The following QTMAN variants were observed in gnomAD, a reference collection of about 807,000 sequenced individuals.
QTMAN encodes the protein tRNA-queuosine alpha-mannosyltransferase.
the QTMAN span, among the ~76,000 whole-genome samples, chr2:144,174,735 C>T: frequency 1.3e-5 from 2 of 152,196 alleles, no homozygotes; most frequent in East Asian, 3.9e-4. Context: ...CCCTAACACA[C>T]ACTCTCTTGC....
At chr2:143,997,403 T>C in the QTMAN span, among the ~76,000 whole-genome samples, 1 of 152,152 alleles carries the variant, frequency 6.6e-6, no homozygotes, top group South Asian at 2.1e-4. Context: ...TGGAATCACT[T>C]TTCCAAAGTT....
the QTMAN span, chr2:144,145,768 G>C: frequency 6.3e-7 from 1 of 1,584,536 alleles, no homozygotes. Flanking sequence ...GGGGTTTACT[G>C]TCCCAAGTAT....
chr2:143,978,522 CTTGCCAATGAA>C, the QTMAN span, among the ~76,000 whole-genome samples: 1 of 152,170 alleles, frequency 6.6e-6, no homozygotes, highest in Non-Finnish European at 1.5e-5. Flanking sequence ...AGCTGTCTAA[CTTGCCAATGAA>C]TTCCCTTTCT....
chr2:144,063,302 G>C, the QTMAN span, among the ~76,000 whole-genome samples: 1 of 152,112 alleles, frequency 6.6e-6, no homozygotes, highest in African/African-American at 2.4e-5. Flanking sequence ...CGATTGATCT[G>C]AGTCAATTGA....
chr2:144,251,005 TAA>T, the QTMAN span, among the ~76,000 whole-genome samples: 32 of 152,094 alleles, frequency 2.1e-4, no homozygotes, highest in African/African-American at 7.5e-4. Context: ...TAAAATTTTA[TAA>T]GTTAAAACAT....
chr2:144,029,922 G>T, the QTMAN span, among the ~76,000 whole-genome samples: 10 of 152,242 alleles, frequency 6.6e-5, no homozygotes, highest in South Asian at 2.1e-3. Flanking sequence ...GTGTGAGTGT[G>T]TGTGTACCCA....
At chr2:143,957,225 G>A in the QTMAN span, 1 of 1,600,574 alleles carries the variant, frequency 6.2e-7, no homozygotes, top group South Asian at 1.1e-5. Context: ...ATGCTTAGCT[G>A]TTGAGATGAC....
the QTMAN span, among the ~76,000 whole-genome samples, chr2:143,998,039 G>A: frequency 6.6e-6 from 1 of 151,982 alleles, no homozygotes; most frequent in Non-Finnish European, 1.5e-5. Flanking sequence ...AAGGCAACAG[G>A]AAGATCAGCT....
chr2:144,027,127 T>TC, the QTMAN span, among the ~76,000 whole-genome samples: 1 of 152,212 alleles, frequency 6.6e-6, no homozygotes, highest in Non-Finnish European at 1.5e-5. Flanking sequence ...AAGATGGTTC[T>TC]CCTCCAATGG....
the QTMAN span, among the ~76,000 whole-genome samples, chr2:143,959,409 T>C: frequency 6.6e-6 from 1 of 152,118 alleles, no homozygotes. Context: ...CTGATTTTAG[T>C]TTATTGCTAA....
At chr2:144,200,581 G>A in the QTMAN span, among the ~76,000 whole-genome samples, 2 of 152,174 alleles carry the variant, frequency 1.3e-5, no homozygotes, top group African/African-American at 2.4e-5. Flanking sequence ...TTTGTGTTGG[G>A]CCGCATTCAA....
At chr2:144,101,916 T>C in the QTMAN span, among the ~76,000 whole-genome samples, 1 of 152,336 alleles carries the variant, frequency 6.6e-6, no homozygotes, top group African/African-American at 2.4e-5. Flanking sequence ...TTTTTGTTTA[T>C]GGCACCCCAC....
chr2:144,123,155 A>T, the QTMAN span, among the ~76,000 whole-genome samples: 2 of 152,188 alleles, frequency 1.3e-5, no homozygotes, highest in African/African-American at 4.8e-5. Context: ...AATTTGATAC[A>T]CTATCATTAT....
chr2:144,059,150 T>C, the QTMAN span, among the ~76,000 whole-genome samples: 1 of 152,164 alleles, frequency 6.6e-6, no homozygotes, highest in African/African-American at 2.4e-5. Flanking sequence ...TCCAAACATA[T>C]ATCATAGCTT....
chr2:144,200,801 G>A, the QTMAN span, among the ~76,000 whole-genome samples: 1 of 152,130 alleles, frequency 6.6e-6, no homozygotes, highest in Admixed American at 6.6e-5. Flanking sequence ...GAATTCTTTG[G>A]TTTAATCCAG....
At chr2:144,238,977 G>T in the QTMAN span, among the ~76,000 whole-genome samples, 3 of 151,868 alleles carry the variant, frequency 2.0e-5, no homozygotes, top group South Asian at 6.2e-4. Context: ...CAGCCTCAAT[G>T]AAAGAATCTA....
At chr2:144,013,836 T>A in the QTMAN span, among the ~76,000 whole-genome samples, 95 of 152,252 alleles carry the variant, frequency 6.2e-4, no homozygotes, top group East Asian at 0.017. Flanking sequence ...ATTATAAAAT[T>A]AACATTTTTA....
the QTMAN span, among the ~76,000 whole-genome samples, chr2:144,014,162 C>T: frequency 6.6e-6 from 1 of 152,092 alleles, no homozygotes; most frequent in African/African-American, 2.4e-5. Flanking sequence ...TCTTCTTTAC[C>T]GGTAATGGCT....
At chr2:144,261,955 T>C in the QTMAN span, among the ~76,000 whole-genome samples, 2 of 152,118 alleles carry the variant, frequency 1.3e-5, no homozygotes, top group Non-Finnish European at 2.9e-5. Context: ...GATACAAGCA[T>C]ATCCAATTTT....
Sources: allele counts gnomAD v4.1 joint callset (sites outside exome capture counted in the v4.1 genomes callset), GRCh38; gene constraint gnomAD v4.1.1; transcripts MANE v1.5; gene names NCBI Gene and HGNC (gene_info 2026-07-23, HGNC 2026-07-21).